The following PCDHA2 variants were observed in gnomAD, a reference collection of about 807,000 sequenced individuals.
The protein encoded by PCDHA2 is protocadherin alpha-2.
In PCDHA2, 58 loss-of-function variants were observed where a neutral mutation model predicts 66.0. The observed-to-expected ratio is 0.88, with a 90% CI of 0.71 to 1.09. The LOEUF (loss-of-function observed/expected upper bound fraction) is 1.09. PCDHA2 is among the 50% of genes least tolerant of loss of function. The probability of loss-of-function intolerance (pLI) is 0.00; values close to 1 mark genes in which losing one functional copy is unlikely to be tolerated. For synonymous variants in PCDHA2, 634 were observed against 554.0 expected (o/e 1.14, Z -2.03); for missense variants, 1,267 against 1,242.3 (o/e 1.02, Z -0.30).
chr5:140,899,102 G>A (rs1156372420), intron 1 of PCDHA2, among the ~76,000 whole-genome samples: 1 of 152,066 alleles, frequency 6.6e-6, no homozygotes, highest in Non-Finnish European at 1.5e-5. Flanking sequence ...TGAGATAATG[G>A]GGTTTTCTAG....
rs2098417406 is a variant in PCDHA2, at chr5:141,010,474, G to A, written c.*537G>A. Reference sequence around the variant, plus strand: ...CGGAAGTTATCAGTATGGAGGGGAAGTGTAAACTTAAAGGGACCAGACTTT... The same window carrying A: ...CGGAAGTTATCAGTATGGAGGGGAAATGTAAACTTAAAGGGACCAGACTTT... On this transcript the variant is annotated 3_prime_UTR_variant, in exon 4 of 4. Transcript: ENST00000526136. The A allele has an allele frequency of 3.9e-6, 3 of 760,382 alleles. No individual in the cohort carries two copies. The highest frequency in any genetic ancestry group is 3.2e-5 in the Admixed American group (1 of 31,594). The allele number at this position is 760,382 out of a possible 1,614,324, so 47.1% of individuals were successfully genotyped here.
At chr5:141,000,743 T>TAA (rs527867626) in intron 3 of PCDHA2, among the ~76,000 whole-genome samples, 3 of 145,408 alleles carry the variant, frequency 2.1e-5, no homozygotes, top group Admixed American at 6.9e-5. Context: ...CTCTGTATAT[T>TAA]AAAAAAAAAA....
chr5:140,795,062 A>C lies in PCDHA2; in HGVS notation c.98A>C (p.Tyr33Ser). The C allele has an allele frequency of 6.2e-7, 1 of 1,613,902 alleles. No individual in the cohort carries two copies. The highest frequency in any genetic ancestry group is 8.5e-7 in the Non-Finnish European group (1 of 1,180,024). ...AWEVGSGQLR[Y>S]SVPEEAKHGT... ...GAGGTGGGGAGCGGCCAGCTCCGCTACTCCGTCCCCGAGGAGGCCAAACAC... is the reference window on the plus strand; with the variant it reads ...GAGGTGGGGAGCGGCCAGCTCCGCTCCTCCGTCCCCGAGGAGGCCAAACAC... The change falls in exon 1 of 4, where the codon TAC becomes TCC. Residue 33 changes from tyrosine (Y) to serine (S), a missense_variant. By Grantham distance (144) the Tyr-to-Ser change is moderately radical (BLOSUM62 -2). Coordinates refer to ENST00000526136, the MANE Select transcript of PCDHA2 (RefSeq NM_018905.3).
intron 1 of PCDHA2, among the ~76,000 whole-genome samples, chr5:140,954,191 G>C (rs201162017): frequency 2.0e-5 from 3 of 152,150 alleles, no homozygotes; most frequent in Non-Finnish European, 4.4e-5. Flanking sequence ...TCATTGATGG[G>C]CATTTGGGTT....
chr5:140,838,485 T>C (rs1233460301), intron 1 of PCDHA2, among the ~76,000 whole-genome samples: 2 of 151,892 alleles, frequency 1.3e-5, no homozygotes, highest in Non-Finnish European at 2.9e-5. Flanking sequence ...TGTTTTTGAT[T>C]ATTTGCTTTC....
At chr5:140,991,629 T>C (rs1466263798) in intron 3 of PCDHA2, among the ~76,000 whole-genome samples, 5 of 152,208 alleles carry the variant, frequency 3.3e-5, no homozygotes, top group African/African-American at 1.2e-4. Context: ...ATATTTGTAA[T>C]AACAATCTGT....
At chr5:140,829,633 C>G in intron 1 of PCDHA2, 1 of 1,612,272 alleles carries the variant, frequency 6.2e-7, no homozygotes, top group Non-Finnish European at 8.5e-7. Context: ...ACGCGGAGAG[C>G]GGCAAGGTGT....
In PCDHA2 at chr5:140,854,901, T is replaced by C. The variant is rs1371742566; in HGVS notation, c.2388+57549T>C. On this transcript the variant is annotated intron_variant, in intron 1 of 3. Transcript: ENST00000526136. ...CTTTTGGGCATTTGAAAAGCGTAAA[T>C]ATAACAGGGTTGAAAGCATTTGCCT... 1.1e-4 allele frequency among the ~76,000 whole-genome samples: 17 copies of C among 149,996 alleles called. No individual in the cohort carries two copies. In the Admixed American group the frequency reaches 1.1e-3, roughly 10 times the overall value.
chr5:140,802,276 T>C (rs781881144), intron 1 of PCDHA2: 1 of 1,614,220 alleles, frequency 6.2e-7, no homozygotes. Context: ...TTACCTGTAT[T>C]AGAAGACTCT....
intron 1 of PCDHA2, chr5:140,829,592 G>C: frequency 6.2e-7 from 1 of 1,612,022 alleles, no homozygotes; most frequent in South Asian, 1.1e-5. Flanking sequence ...GCGGGTGGGC[G>C]AGCGCGCGTT....
chr5:140,937,869 G>C (rs1268422806), intron 1 of PCDHA2, among the ~76,000 whole-genome samples: 1 of 150,376 alleles, frequency 6.6e-6, no homozygotes, highest in South Asian at 2.1e-4. Context: ...CCGAGATCGC[G>C]CCACTGCACT....
chr5:140,970,427 GGTGTTA>G (rs1442614278), intron 1 of PCDHA2, among the ~76,000 whole-genome samples: 6 of 152,192 alleles, frequency 3.9e-5, no homozygotes, highest in Admixed American at 3.3e-4. Context: ...TGTAGAGGCA[GGTGTTA>G]GTATATGCAC....
At chr5:140,893,088 T>C (rs1340937679) in intron 1 of PCDHA2, among the ~76,000 whole-genome samples, 2 of 152,372 alleles carry the variant, frequency 1.3e-5, no homozygotes, top group African/African-American at 4.8e-5. Flanking sequence ...CATTCTTTTT[T>C]ATGGCTGGAT....
chr5:140,945,526 A>T (rs1466059696), intron 1 of PCDHA2, among the ~76,000 whole-genome samples: 2 of 152,130 alleles, frequency 1.3e-5, no homozygotes, highest in African/African-American at 4.8e-5. Context: ...AATAAATAAA[A>T]CAAAACATAC....
rs377133743 is a variant in PCDHA2 at position 140,875,740 on chromosome 5, A to C, written c.2388+78388A>C. The C allele has an allele frequency of 2.1e-4, 339 of 1,614,222 alleles. No individual in the cohort carries two copies. The African/African-American group carries it at 4.0e-3, about 19-fold the overall frequency. On this transcript the variant is annotated intron_variant, in intron 1 of 3. Coordinates refer to ENST00000526136, the MANE Select transcript of PCDHA2 (RefSeq NM_018905.3). ...TGGCATTTTGTTTGTGAATTCTCGG[A>C]TCGACCGCGAGAAGCTGTGCGGGCG...
rs781920774 is a variant in PCDHA2 at position 140,882,850 on chromosome 5, T to A, written c.2388+85498T>A. 4 of 1,614,090 alleles carry A rather than the reference T, an allele frequency of 2.5e-6. No homozygotes were observed. In the African/African-American group the frequency reaches 5.3e-5, roughly 22 times the overall value. ...TTGAGCAAATGTCTTCATTATCACT[T>A]GTACTGAGGAAAACACTGGACAGAG... On this transcript the variant is annotated intron_variant, in intron 1 of 3. Coordinates refer to ENST00000526136, the MANE Select transcript of PCDHA2 (RefSeq NM_018905.3).
rs2150127523 is a variant in PCDHA2, at chr5:140,823,625, C to A, written c.2388+26273C>A. ...GAGCTGCAGCCAGCGCCTGGCAGTG[C>A]GCGCATCCCGTTCCGCGTGGGGCTG... On this transcript the variant is annotated intron_variant, in intron 1 of 3. Transcript: ENST00000526136. 4.3e-6 allele frequency: 7 copies of A among 1,614,038 alleles called. No individual in the cohort carries two copies. The East Asian group carries it at 8.9e-5, about 21-fold the overall frequency.
At chr5:140,882,606 C>T in intron 1 of PCDHA2, 2 of 1,614,238 alleles carry the variant, frequency 1.2e-6, no homozygotes, top group Non-Finnish European at 1.7e-6. Context: ...GTGGACAGGC[C>T]TCTGCAGGTT....
intron 1 of PCDHA2, chr5:140,803,474 C>A (rs782177204): frequency 3.7e-6 from 6 of 1,614,146 alleles, no homozygotes; most frequent in Non-Finnish European, 4.2e-6. Context: ...AGAGGGTGTG[C>A]TCTGGAGAGG....
Sources: allele counts gnomAD v4.1 joint callset (sites outside exome capture counted in the v4.1 genomes callset), GRCh38; gene constraint gnomAD v4.1.1; transcripts MANE v1.5; gene names NCBI Gene and HGNC (gene_info 2026-07-23, HGNC 2026-07-21).